The following DNAH11 variants were observed in gnomAD, a reference collection of about 807,000 sequenced individuals.
The protein encoded by DNAH11 is axonemal beta dynein heavy chain 11.
In DNAH11, 442 loss-of-function variants were observed where a neutral mutation model predicts 526.0. That is an observed-to-expected ratio of 0.84 (90% CI 0.78 to 0.91). The LOEUF is 0.91. Among genes scored for constraint, DNAH11 ranks in the 40% least tolerant of loss-of-function variants. The pLI, the probability that DNAH11 is intolerant of heterozygous loss-of-function variation, is 0.00. For synonymous variants in DNAH11, 2,461 were observed against 1,935.9 expected (o/e 1.27, Z -7.12); for missense variants, 6,989 against 5,448.7 (o/e 1.28, Z -8.90).
At chr7:21,680,499 C>T (rs1463487358) in intron 30 of DNAH11, among the ~76,000 whole-genome samples, 1 of 152,158 alleles carries the variant, frequency 6.6e-6, no homozygotes, top group East Asian at 1.9e-4. Context: ...GACCACAATT[C>T]ACCATAAGAA....
intron 25 of DNAH11, among the ~76,000 whole-genome samples, chr7:21,633,717 A>G (rs779652732): frequency 6.6e-6 from 1 of 152,196 alleles, no homozygotes; most frequent in Non-Finnish European, 1.5e-5. Context: ...GGAGTCTAAG[A>G]AGAGACAGAG....
At chr7:21,879,829 A>G (rs1783848138) in intron 74 of DNAH11, among the ~76,000 whole-genome samples, 1 of 152,160 alleles carries the variant, frequency 6.6e-6, no homozygotes, top group South Asian at 2.1e-4. Flanking sequence ...TCGTGCCTAT[A>G]ATCCCAGCAC....
chr7:21,897,758 A>C (rs1021147597), intron 79 of DNAH11, among the ~76,000 whole-genome samples: 4 of 152,134 alleles, frequency 2.6e-5, no homozygotes, highest in African/African-American at 9.7e-5. Flanking sequence ...CTGGGATTAC[A>C]GGCATGTGCC....
intron 11 of DNAH11, among the ~76,000 whole-genome samples, chr7:21,588,920 CAATAAAT>C (rs1784573085): frequency 6.6e-6 from 1 of 152,002 alleles, no homozygotes; most frequent in Admixed American, 6.6e-5. Flanking sequence ...TTCCTTTTTC[CAATAAAT>C]AACACTGCTT....
rs1252897133 is a variant in DNAH11 at position 21,559,583 on chromosome 7, T to C, written c.693-20T>C. 3 of 1,550,922 alleles carry C rather than the reference T, an allele frequency of 1.9e-6. No individual in the cohort carries two copies. The highest frequency in any genetic ancestry group is 1.9e-5 in the Admixed American group (1 of 51,722). ...AAAATGATTCATCTTTGAATTATTT[T>C]ATTATCTTAATGTTTGTAGGCCACC... is the stretch of plus-strand genomic sequence containing the variant. On this transcript the variant is annotated intron_variant, in intron 3 of 81. Coordinates refer to ENST00000409508, the MANE Select transcript of DNAH11 (RefSeq NM_001277115.2).
intron 58 of DNAH11, 93 bp from the exon 59 acceptor site, chr7:21,786,531 G>C: frequency 7.0e-7 from 1 of 1,422,260 alleles, no homozygotes; most frequent in Admixed American, 2.2e-5. Flanking sequence ...GGAGAAGTGG[G>C]AGTCCACTAA....
chr7:21,809,097 A>G (rs12700306), intron 63 of DNAH11, among the ~76,000 whole-genome samples: 63,022 of 151,432 alleles, frequency 0.42, 13,969 homozygotes, highest in East Asian at 0.82. Flanking sequence ...ATTATATCTC[A>G]CTGTGGTTTG....
intron 25 of DNAH11, among the ~76,000 whole-genome samples, chr7:21,633,516 T>G (rs187158121): frequency 6.6e-6 from 1 of 152,246 alleles, no homozygotes; most frequent in African/African-American, 2.4e-5. Flanking sequence ...ACATTTTAAA[T>G]CACATTTTTT....
Position 21,816,544 on chromosome 7 carries a change from C to A in DNAH11, c.10410C>A (p.Asn3470Lys). 1.2e-6 allele frequency: 2 copies of A among 1,612,920 alleles called. No homozygotes were observed. The change falls in exon 64 of 82, where the codon AAC (asparagine) becomes AAA (lysine). Residue 3470 changes from asparagine to lysine, a missense_variant. Physicochemically the swap from Asn to Lys is moderately conservative, Grantham distance 94. Transcript: ENST00000409508. ...TDDATIAAWN[N>K]EGLPSDRMST... The stretch of plus-strand genomic sequence containing the variant: ...ATGCTACAATTGCCGCCTGGAATAA[C>A]GAAGGACTGCCCAGTGACAGAATGT...
intron 44 of DNAH11, among the ~76,000 whole-genome samples, chr7:21,723,126 A>G (rs1413336425): frequency 2.0e-5 from 3 of 152,250 alleles, no homozygotes; most frequent in South Asian, 2.1e-4. Flanking sequence ...GGCAATATGC[A>G]TGAAACAGAC....
chr7:21,781,274 T>G (rs1044563499), intron 57 of DNAH11, among the ~76,000 whole-genome samples: 5 of 152,158 alleles, frequency 3.3e-5, no homozygotes, highest in Admixed American at 2.0e-4. Context: ...TAAATAAATG[T>G]TGGGGTTAGA....
At chr7:21,885,360 C>T (rs184926353) in intron 76 of DNAH11, among the ~76,000 whole-genome samples, 2 of 150,382 alleles carry the variant, frequency 1.3e-5, no homozygotes, top group Admixed American at 6.6e-5. Flanking sequence ...ATAAGTCAGA[C>T]GCAGAAGGAC....
intron 4 of DNAH11, among the ~76,000 whole-genome samples, chr7:21,560,149 CTT>C (rs1232680183): frequency 1.3e-5 from 2 of 152,128 alleles, no homozygotes; most frequent in African/African-American, 4.8e-5. Flanking sequence ...GAAAGACTAA[CTT>C]TGGTTCCTCT....
chr7:21,882,509 T>C (rs1783959573), intron 75 of DNAH11, among the ~76,000 whole-genome samples: 1 of 152,074 alleles, frequency 6.6e-6, no homozygotes, highest in African/African-American at 2.4e-5. Context: ...AAAGAACAGA[T>C]CTGAGGCCAG....
chr7:21,626,120 A>C (rs1786319051), intron 25 of DNAH11, among the ~76,000 whole-genome samples: 1 of 152,170 alleles, frequency 6.6e-6, no homozygotes, highest in South Asian at 2.1e-4. Flanking sequence ...AGATTATTGT[A>C]AACTGTAGCC....
intron 57 of DNAH11, among the ~76,000 whole-genome samples, chr7:21,783,483 C>T (rs943560909): frequency 6.6e-6 from 1 of 152,176 alleles, no homozygotes; most frequent in African/African-American, 2.4e-5. Context: ...TTATATTCCA[C>T]AATCACCATC....
At chr7:21,681,956 C>T (rs1003577066) in intron 31 of DNAH11, among the ~76,000 whole-genome samples, 3 of 152,162 alleles carry the variant, frequency 2.0e-5, no homozygotes, top group Non-Finnish European at 4.4e-5. Flanking sequence ...TGAGAAATCA[C>T]TGTGTTCATC....
At chr7:21,788,508 C>T (rs1788289758) in intron 60 of DNAH11, among the ~76,000 whole-genome samples, 1 of 151,926 alleles carries the variant, frequency 6.6e-6, no homozygotes, top group African/African-American at 2.4e-5. Flanking sequence ...TAGAGCTTGA[C>T]TGTGGCTGCA....
At chr7:21,774,407 C>T (rs965618058) in intron 56 of DNAH11, among the ~76,000 whole-genome samples, 3 of 152,024 alleles carry the variant, frequency 2.0e-5, no homozygotes, top group South Asian at 2.1e-4. Flanking sequence ...ATGACTGTGG[C>T]GAGATCCCAA....
Sources: allele counts gnomAD v4.1 joint callset (sites outside exome capture counted in the v4.1 genomes callset), GRCh38; gene constraint gnomAD v4.1.1; transcripts MANE v1.5; gene names NCBI Gene and HGNC (gene_info 2026-07-23, HGNC 2026-07-21).